Variants in ST6GALNAC3 observed in about 807,000 individuals in gnomAD.
The protein encoded by ST6GALNAC3 is alpha-N-acetylgalactosaminide alpha-2,6-sialyltransferase 3.
A neutral mutation model predicts 32.7 loss-of-function variants in ST6GALNAC3; 25 were observed. The ratio of observed to expected loss-of-function variants is 0.76; its 90% confidence interval spans 0.56 to 1.07. The LOEUF is 1.07. ST6GALNAC3 is among the 50% of genes least tolerant of loss of function. ST6GALNAC3 has a pLI of 0.00. For missense variants in ST6GALNAC3, 355 were observed against 382.4 expected (o/e 0.93, Z 0.60); for synonymous variants, 129 against 133.1 (o/e 0.97, Z 0.21).
In ST6GALNAC3 at chr1:76,628,639, G is replaced by T; in HGVS notation, c.751G>T (p.Val251Phe). 1 of 1,608,590 alleles carries T rather than the reference G, an allele frequency of 6.2e-7. No individual in the cohort carries two copies. The highest frequency in any genetic ancestry group is 1.7e-5 in the Admixed American group (1 of 59,330). ...TTCTAGGACAGAAGGGTATAGAAAA[G>T]TCCCCTACCATTATTATGAACAAGG... The part of the protein sequence containing the change: ...TYCKTEGYRK[V>F]PYHYYEQGRD... Residue 251 changes from valine to phenylalanine, a missense_variant, in exon 5 of 5, where the codon GTC (valine) becomes TTC (phenylalanine). Physicochemically the swap from Val to Phe is conservative, Grantham distance 50. Transcript: ENST00000328299.
intron 2 of ST6GALNAC3, among the ~76,000 whole-genome samples, chr1:76,343,130 C>T (rs1228464684): frequency 1.3e-5 from 2 of 152,080 alleles, no homozygotes; most frequent in Non-Finnish European, 2.9e-5. Context: ...TGGGGATCTT[C>T]ATCATAACTT....
intron 1 of ST6GALNAC3, among the ~76,000 whole-genome samples, chr1:76,222,611 T>A (rs1557707282): frequency 6.6e-6 from 1 of 152,136 alleles, no homozygotes; most frequent in Non-Finnish European, 1.5e-5. Flanking sequence ...TGTATACATA[T>A]GTAACTAACC....
At chr1:76,154,750 G>C (rs897271700) in intron 1 of ST6GALNAC3, among the ~76,000 whole-genome samples, 2 of 152,100 alleles carry the variant, frequency 1.3e-5, no homozygotes, top group Admixed American at 6.5e-5. Flanking sequence ...GGTTAGTGTG[G>C]ATCAGCCTGA....
intron 1 of ST6GALNAC3, among the ~76,000 whole-genome samples, chr1:76,144,680 C>T (rs1650562691): frequency 6.6e-6 from 1 of 152,170 alleles, no homozygotes; most frequent in Non-Finnish European, 1.5e-5. Flanking sequence ...CAATACTCTC[C>T]CCGCTTCCCC....
chr1:76,588,642 A>G (rs1405858208), intron 3 of ST6GALNAC3, among the ~76,000 whole-genome samples: 1 of 152,194 alleles, frequency 6.6e-6, no homozygotes, highest in Non-Finnish European at 1.5e-5. Flanking sequence ...ACTAGCTTCT[A>G]GTAGTTTTGA....
chr1:76,310,253 G>A (rs1490583474), intron 1 of ST6GALNAC3, among the ~76,000 whole-genome samples: 1 of 152,064 alleles, frequency 6.6e-6, no homozygotes, highest in East Asian at 1.9e-4. Flanking sequence ...CATCTGTTCT[G>A]GTCTATGTCC....
intron 1 of ST6GALNAC3, among the ~76,000 whole-genome samples, chr1:76,128,133 G>T (rs1649376441): frequency 6.6e-6 from 1 of 152,110 alleles, no homozygotes; most frequent in Non-Finnish European, 1.5e-5. Context: ...CTTGGCCCCT[G>T]CATTGCCTAT....
chr1:76,531,605 C>T (rs770413582), intron 3 of ST6GALNAC3, among the ~76,000 whole-genome samples: 3 of 152,032 alleles, frequency 2.0e-5, no homozygotes, highest in Non-Finnish European at 2.9e-5. Flanking sequence ...GCTTTTTTCC[C>T]CCTCATTGAC....
chr1:76,613,674 T>C (rs952051504), intron 3 of ST6GALNAC3, among the ~76,000 whole-genome samples: 22 of 152,200 alleles, frequency 1.4e-4, no homozygotes, highest in Admixed American at 1.2e-3. Context: ...CAAGACCTGG[T>C]TGTTTAAAAG....
Position 76,440,009 on chromosome 1 carries a change from G to A in ST6GALNAC3, c.623+27592G>A, listed in dbSNP as rs528841359. ...AACGTGTTTACGTATGTTACATGTA[G>A]TAAAGATTAAATTATTTTCTATGTT... is the stretch of plus-strand genomic sequence containing the variant. On this transcript the variant is annotated intron_variant, in intron 3 of 4. Transcript: ENST00000328299. Among the ~76,000 whole-genome samples, 3 of 152,316 alleles carry A rather than the reference G, an allele frequency of 2.0e-5. No homozygotes were observed. In the East Asian group the frequency reaches 5.8e-4, roughly 29 times the overall value.
chr1:76,438,151 A>C (rs1656289151), intron 3 of ST6GALNAC3, among the ~76,000 whole-genome samples: 1 of 139,808 alleles, frequency 7.2e-6, no homozygotes, highest in Non-Finnish European at 1.5e-5. Flanking sequence ...ACATATTCTG[A>C]CTTTTTTTTT....
intron 3 of ST6GALNAC3, among the ~76,000 whole-genome samples, chr1:76,584,368 T>C (rs1181217371): frequency 9.2e-5 from 14 of 152,192 alleles, no homozygotes; most frequent in African/African-American, 2.9e-4. Flanking sequence ...GTTGTAAGCC[T>C]GTTGATCCAT....
At chr1:76,193,272 C>G (rs1465755533) in intron 1 of ST6GALNAC3, among the ~76,000 whole-genome samples, 1 of 152,078 alleles carries the variant, frequency 6.6e-6, no homozygotes, top group East Asian at 1.9e-4. Flanking sequence ...TTGGGGACCC[C>G]CACCATTAGA....
intron 1 of ST6GALNAC3, among the ~76,000 whole-genome samples, chr1:76,256,865 A>C (rs575409057): frequency 6.6e-6 from 1 of 152,266 alleles, no homozygotes; most frequent in African/African-American, 2.4e-5. Context: ...TTAAAATTAG[A>C]GTAATCTGAG....
intron 1 of ST6GALNAC3, among the ~76,000 whole-genome samples, chr1:76,138,838 C>T (rs988790306): frequency 1.3e-5 from 2 of 152,080 alleles, no homozygotes; most frequent in African/African-American, 4.8e-5. Context: ...CAGCCAAAAC[C>T]AGTTTGTAAA....
At chr1:76,621,885 G>T (rs1276132066) in intron 3 of ST6GALNAC3, among the ~76,000 whole-genome samples, 7 of 151,992 alleles carry the variant, frequency 4.6e-5, no homozygotes, top group Non-Finnish European at 1.0e-4. Flanking sequence ...GTAGTATATT[G>T]ATGAGAGAAC....
intron 2 of ST6GALNAC3, among the ~76,000 whole-genome samples, chr1:76,384,350 C>T (rs1044549646): frequency 2.0e-5 from 3 of 151,924 alleles, no homozygotes; most frequent in Admixed American, 2.0e-4. Context: ...TTTAATGATC[C>T]GAAAAGATAT....
intron 1 of ST6GALNAC3, among the ~76,000 whole-genome samples, chr1:76,269,694 G>A (rs1658727768): frequency 6.6e-6 from 1 of 152,196 alleles, no homozygotes; most frequent in South Asian, 2.1e-4. Flanking sequence ...AAGGCCACAT[G>A]CCATGTGCTG....
chr1:76,505,358 G>A (rs1481361265), intron 3 of ST6GALNAC3, among the ~76,000 whole-genome samples: 1 of 152,104 alleles, frequency 6.6e-6, no homozygotes, highest in Non-Finnish European at 1.5e-5. Context: ...TCCTGACCTA[G>A]TGATCCACCC....
Sources: allele counts gnomAD v4.1 joint callset (sites outside exome capture counted in the v4.1 genomes callset), GRCh38; gene constraint gnomAD v4.1.1; transcripts MANE v1.5; gene names NCBI Gene and HGNC (gene_info 2026-07-23, HGNC 2026-07-21).